Variants in ERC2 observed in about 807,000 individuals in gnomAD.
ERC2 encodes ELKS/RAB6-interacting/CAST family member 2, also known as ERC protein 2.
A neutral mutation model predicts 114.8 loss-of-function variants in ERC2; 42 were observed. The ratio of observed to expected loss-of-function variants is 0.37; its 90% CI spans 0.29 to 0.47. ERC2 has a LOEUF of 0.47. Ranked by LOEUF, ERC2 falls within the 20% of genes least tolerant of loss-of-function variation. The pLI is 0.99. For synonymous variants in ERC2, 454 were observed against 425.5 expected, an observed-to-expected ratio of 1.07 and a Z score of -0.82; for missense variants, 939 against 1,150.7, an observed-to-expected ratio of 0.82 and a Z score of 2.66.
intron 7 of ERC2, among the ~76,000 whole-genome samples, chr3:56,045,658 A>G (rs1422726728): frequency 1.3e-5 from 2 of 152,212 alleles, no homozygotes; most frequent in Non-Finnish European, 2.9e-5. Context: ...GAAACTAAAC[A>G]TGAAAGGATT....
intron 13 of ERC2, among the ~76,000 whole-genome samples, chr3:55,921,338 GA>G (rs1379224719): frequency 6.6e-6 from 1 of 152,054 alleles, no homozygotes; most frequent in Non-Finnish European, 1.5e-5. Context: ...GTTTGGGGAA[GA>G]GGGGGCAGGG....
At chr3:55,851,431 A>C (rs1229846550) in intron 14 of ERC2, among the ~76,000 whole-genome samples, 1 of 152,204 alleles carries the variant, frequency 6.6e-6, no homozygotes, top group Non-Finnish European at 1.5e-5. Context: ...ACACACAACT[A>C]GAGGGAATGC....
intron 17 of ERC2, among the ~76,000 whole-genome samples, chr3:55,549,820 C>T (rs574298203): frequency 1.3e-4 from 20 of 152,072 alleles, no homozygotes; most frequent in Admixed American, 9.2e-4. Context: ...CATCCTAGTA[C>T]ATGGTTTTGG....
At chr3:56,102,331 A>G (rs1239302371) in intron 6 of ERC2, among the ~76,000 whole-genome samples, 1 of 152,198 alleles carries the variant, frequency 6.6e-6, no homozygotes, top group African/African-American at 2.4e-5. Flanking sequence ...ACATCACCCA[A>G]GAAAAACTAG....
chr3:56,280,591 A>C (rs1029161877), intron 3 of ERC2, among the ~76,000 whole-genome samples: 1 of 152,164 alleles, frequency 6.6e-6, no homozygotes, highest in African/African-American at 2.4e-5. Context: ...AGATGGTTAC[A>C]TGTATGGTGC....
chr3:55,762,243 G>A (rs2067493340), intron 14 of ERC2, among the ~76,000 whole-genome samples: 1 of 152,124 alleles, frequency 6.6e-6, no homozygotes, highest in South Asian at 2.1e-4. Context: ...TAAATAATCG[G>A]ATTTAATGTA....
chr3:56,465,573 C>A lies in ERC2; in HGVS notation c.-141+2675G>T, dbSNP rs76144244. On this transcript the variant is annotated intron_variant, in intron 1 of 17. Coordinates refer to ENST00000288221, the MANE Select transcript of ERC2 (RefSeq NM_015576.3). ...AAGGATGTTAAGAGCATTTATTCAA[C>A]CAAGATCTATTTAAAACTCTAATTG... Among the ~76,000 whole-genome samples, 1,063 of 152,182 alleles carry A rather than the reference C, an allele frequency of 7.0e-3. 23 individuals are homozygous for A. Among genetic ancestry groups the A allele is most frequent in the African/African-American group, 0.024 (1,014 of 41,504 alleles).
At chr3:55,589,403 A>ATTT (rs1187885486) in intron 17 of ERC2, among the ~76,000 whole-genome samples, 1 of 152,134 alleles carries the variant, frequency 6.6e-6, no homozygotes, top group Non-Finnish European at 1.5e-5. Flanking sequence ...AAGACACGTG[A>ATTT]CGGTCATTTG....
chr3:56,093,366 G>C (rs924343050), intron 6 of ERC2, among the ~76,000 whole-genome samples: 1 of 152,120 alleles, frequency 6.6e-6, no homozygotes, highest in Admixed American at 6.5e-5. Flanking sequence ...TTGCTTTGGA[G>C]TGAAATGGAA....
chr3:55,583,480 C>T lies in ERC2; in HGVS notation c.*40-72204G>A, dbSNP rs1373111948. Among the ~76,000 whole-genome samples the T allele has an allele frequency of 2.5e-3, 189 of 74,308 alleles. 11 individuals are homozygous for T. Among genetic ancestry groups the T allele is most frequent in the African/African-American group, 0.011 (179 of 16,070 alleles). The allele number at this position is 74,308 out of a possible 152,430, so 48.7% of individuals were successfully genotyped here. On this transcript the variant is annotated intron_variant, in intron 17 of 17. Transcript: ENST00000288221. ...TTCCCCTCTCTCCCTTCCTCCCTCC[C>T]CTCCATCCCTCTCTCCTTCCCTCCC...
chr3:55,803,619 A>C (rs2059386581), intron 14 of ERC2, among the ~76,000 whole-genome samples: 1 of 151,032 alleles, frequency 6.6e-6, no homozygotes, highest in Non-Finnish European at 1.5e-5. Flanking sequence ...ATATCAGTTT[A>C]ACTGCCAATA....
chr3:55,861,826 G>T (rs2062041446), intron 14 of ERC2, among the ~76,000 whole-genome samples: 1 of 152,094 alleles, frequency 6.6e-6, no homozygotes, highest in East Asian at 1.9e-4. Flanking sequence ...AGCCTCTCTG[G>T]GCCTCAGTTT....
At chr3:55,904,796 C>T (rs756577024) in intron 13 of ERC2, among the ~76,000 whole-genome samples, 3 of 152,176 alleles carry the variant, frequency 2.0e-5, no homozygotes, top group Non-Finnish European at 4.4e-5. Context: ...CAGCTGGCCT[C>T]GTGGCATCTT....
chr3:55,949,912 C>G (rs868789483), intron 13 of ERC2, among the ~76,000 whole-genome samples: 1 of 152,148 alleles, frequency 6.6e-6, no homozygotes, highest in Non-Finnish European at 1.5e-5. Context: ...TAAGATATGG[C>G]TGTCCATTGA....
At chr3:55,891,437 ATTTTTTTTTTTTTT>A (rs869073962) in intron 13 of ERC2, among the ~76,000 whole-genome samples, 10 of 86,958 alleles carry the variant, frequency 1.1e-4, no homozygotes, top group Middle Eastern at 6.4e-3. Flanking sequence ...GTCTGGTTCT[ATTTTTTTTTTTTTT>A]TTTTTTTTTT....
chr3:56,229,354 T>A (rs1204310765), intron 3 of ERC2, among the ~76,000 whole-genome samples: 1 of 152,216 alleles, frequency 6.6e-6, no homozygotes, highest in Non-Finnish European at 1.5e-5. Flanking sequence ...CTTAGAGCTA[T>A]CATTCTTAAA....
intron 2 of ERC2, among the ~76,000 whole-genome samples, chr3:56,375,208 C>T (rs2059494343): frequency 6.6e-6 from 1 of 152,192 alleles, no homozygotes; most frequent in Admixed American, 6.5e-5. Context: ...AGGCCAGAAT[C>T]CTGGAGCCAG....
At chr3:55,777,527 T>C (rs561195026) in intron 14 of ERC2, among the ~76,000 whole-genome samples, 3 of 152,336 alleles carry the variant, frequency 2.0e-5, no homozygotes, top group Non-Finnish European at 4.4e-5. Context: ...AACTTATTTA[T>C]TGTCAGCCTC....
intron 14 of ERC2, among the ~76,000 whole-genome samples, chr3:55,768,290 A>G (rs779965549): frequency 4.8e-4 from 73 of 152,196 alleles, no homozygotes; most frequent in Non-Finnish European, 8.7e-4. Context: ...CAGAACATCA[A>G]TCCTGGAATA....
Sources: allele counts gnomAD v4.1 joint callset (sites outside exome capture counted in the v4.1 genomes callset), GRCh38; gene constraint gnomAD v4.1.1; transcripts MANE v1.5; gene names NCBI Gene and HGNC (gene_info 2026-07-23, HGNC 2026-07-21).